Variants in KIF3C observed in about 807,000 individuals in gnomAD.
KIF3C encodes the protein kinesin-like protein KIF3C.
A neutral mutation model predicts 67.7 loss-of-function variants in KIF3C; 12 were observed. The ratio of observed to expected loss-of-function variants is 0.18; its 90% CI spans 0.11 to 0.29. KIF3C has a LOEUF of 0.29. KIF3C is among the 10% of genes least tolerant of loss of function. The pLI is 1.00. For missense variants in KIF3C, 789 were observed against 1,059.6 expected, an observed-to-expected ratio of 0.74 and a Z score of 3.55; for synonymous variants, 393 against 426.2, an observed-to-expected ratio of 0.92 and a Z score of 0.96.
At chr2:25,960,027 G>A (rs1169422389) in intron 1 of KIF3C, among the ~76,000 whole-genome samples, 4 of 152,070 alleles carry the variant, frequency 2.6e-5, no homozygotes, top group Non-Finnish European at 5.9e-5. Flanking sequence ...ATTTTATGTG[G>A]CTCTAGCATT....
intron 5 of KIF3C, chr2:25,934,119 C>G (rs751838228): frequency 2.1e-6 from 1 of 469,928 alleles, no homozygotes; most frequent in Non-Finnish European, 4.4e-6. Context: ...TCAGTCGCAA[C>G]GGACTACATA....
chr2:25,935,009 C>T (rs910466409), intron 5 of KIF3C, among the ~76,000 whole-genome samples: 4 of 151,996 alleles, frequency 2.6e-5, no homozygotes, highest in Admixed American at 6.6e-5. Flanking sequence ...TTTGGGAGGC[C>T]GAGGTGGGTG....
At position 25,928,119 on chromosome 2, in the gene KIF3C, G is replaced by C. The variant is rs949847203; in HGVS notation, c.*859C>G. The stretch of plus-strand genomic sequence containing the variant: ...AGGGAGAAATGATCGAAGCAGGCAG[G>C]AGCAGCCTCTTGAAAATGGGGAGTT... On this transcript the variant is annotated 3_prime_UTR_variant, in exon 8 of 8. Coordinates refer to ENST00000264712, the MANE Select transcript of KIF3C (RefSeq NM_002254.8). 1 of 152,450 alleles carries C rather than the reference G, an allele frequency of 6.6e-6. No homozygotes were observed. The highest frequency in any genetic ancestry group is 6.6e-5 in the Admixed American group (1 of 15,262). 9.4% of individuals were successfully genotyped at this position (152,450 alleles called of 1,614,324 possible).
At chr2:25,947,173 A>G (rs1198159413) in intron 5 of KIF3C, among the ~76,000 whole-genome samples, 1 of 152,088 alleles carries the variant, frequency 6.6e-6, no homozygotes, top group Non-Finnish European at 1.5e-5. Context: ...AATAAAGAGC[A>G]CAAACTTGCC....
In KIF3C at chr2:25,951,922, A is replaced by G; in HGVS notation, c.1890-17T>C. On this transcript the variant is annotated splice_polypyrimidine_tract_variant and intron_variant, in intron 4 of 7. Coordinates refer to ENST00000264712, the MANE Select transcript of KIF3C (RefSeq NM_002254.8). ...ATTAGGTACCTGGGAGCAGGAATGA[A>G]GGAGTGATGGGAAAATGGGTGAGCG... 3 of 1,557,208 alleles carry G rather than the reference A, an allele frequency of 1.9e-6. No homozygotes were observed. In the South Asian group the frequency reaches 3.3e-5, roughly 17 times the overall value.
In KIF3C at chr2:25,982,402, C is replaced by G. The variant is rs73920220; in HGVS notation, c.-485G>C. 5.0e-3 allele frequency: 1,974 copies of G among 398,654 alleles called. 43 individuals carry two copies. The highest frequency in any genetic ancestry group is 0.037 in the African/African-American group (1,803 of 48,756). The allele number at this position is 398,654 out of a possible 1,614,324, so 24.7% of individuals were successfully genotyped here. ...CAGAGGCTCACCTGGAGTCCTCCCCCCAAGCTGGGGGATCATTCATTGCAG... is the reference window on the plus strand; with the variant it reads ...CAGAGGCTCACCTGGAGTCCTCCCCGCAAGCTGGGGGATCATTCATTGCAG... On this transcript the variant is annotated 5_prime_UTR_variant, in exon 1 of 8. Transcript: ENST00000264712.
At chr2:25,938,218 C>T in intron 5 of KIF3C, 1 of 427,314 alleles carries the variant, frequency 2.3e-6, no homozygotes, top group Non-Finnish European at 4.6e-6. Flanking sequence ...CAAAAATTAG[C>T]TGAGCATGGC....
intron 1 of KIF3C, among the ~76,000 whole-genome samples, chr2:25,975,206 G>A: frequency 6.6e-6 from 1 of 152,026 alleles, no homozygotes; most frequent in East Asian, 1.9e-4. Flanking sequence ...TGTCACACAG[G>A]CTGGAGTGCA....
At chr2:25,929,920 T>C in intron 6 of KIF3C, 35 bp downstream of exon 6, 1 of 1,473,262 alleles carries the variant, frequency 6.8e-7, no homozygotes, top group Non-Finnish European at 9.5e-7. Flanking sequence ...CCGGCCTCCC[T>C]CCCGTAGGCT....
At chr2:25,942,686 A>G (rs1205895969) in intron 5 of KIF3C, among the ~76,000 whole-genome samples, 1 of 152,198 alleles carries the variant, frequency 6.6e-6, no homozygotes, top group Non-Finnish European at 1.5e-5. Flanking sequence ...CTGGGATTAC[A>G]GGCGTGAGCC....
At chr2:25,978,506 C>G (rs887858509) in intron 1 of KIF3C, among the ~76,000 whole-genome samples, 6 of 152,130 alleles carry the variant, frequency 3.9e-5, no homozygotes, top group Admixed American at 3.9e-4. Context: ...TTCCAAAGCT[C>G]CTGCCAACTC....
Position 25,981,390 on chromosome 2 carries a change from G to A in KIF3C, c.528C>T (p.Tyr176=), listed in dbSNP as rs372450427. ...ELKENPETGV[Y]IKDLSSFVTK... ...TGACGAAGGAGGAGAGGTCCTTGAT[G>A]TAGACGCCAGTCTCGGGGTTCTCTT... Residue 176 remains tyrosine (Y), a synonymous_variant, in exon 1 of 8, where the codon TAC becomes TAT. Coordinates refer to ENST00000264712, the MANE Select transcript of KIF3C (RefSeq NM_002254.8). This position sits in a 1 kb window ranked among gnomAD's most constrained non-coding sequence, Gnocchi z 8.2. 11 of 1,614,220 alleles carry A rather than the reference G, an allele frequency of 6.8e-6. No homozygotes were observed. The African/African-American group carries it at 1.5e-4, about 22-fold the overall frequency.
chr2:25,973,634 A>G (rs932527509), intron 1 of KIF3C, among the ~76,000 whole-genome samples: 7 of 152,004 alleles, frequency 4.6e-5, no homozygotes, highest in Middle Eastern at 3.4e-3. Context: ...CCGTGAAATC[A>G]TCACCACCAT....
chr2:25,930,078 C>G lies in KIF3C; in HGVS notation c.2007-15G>C, dbSNP rs1434231261. The G allele has an allele frequency of 6.3e-7, 1 of 1,599,552 alleles. No individual in the cohort carries two copies. Among genetic ancestry groups the G allele is most frequent in the East Asian group, 2.2e-5 (1 of 44,810 alleles). On this transcript the variant is annotated splice_polypyrimidine_tract_variant and intron_variant, in intron 5 of 7. Transcript: ENST00000264712. ...GGCTGCTACTGCTGTAGGAAAGAGGCTATATTAGAAAGGATTTCTGTGGAA... is the reference window on the plus strand; with the variant it reads ...GGCTGCTACTGCTGTAGGAAAGAGGGTATATTAGAAAGGATTTCTGTGGAA...
At chr2:25,973,485 C>T (rs979793417) in intron 1 of KIF3C, among the ~76,000 whole-genome samples, 1 of 147,762 alleles carries the variant, frequency 6.8e-6, no homozygotes, top group South Asian at 2.2e-4. Context: ...ACCCGGGAAG[C>T]GGAGGTTGCA....
chr2:25,948,342 C>T (rs1663499345), intron 5 of KIF3C, among the ~76,000 whole-genome samples: 1 of 152,006 alleles, frequency 6.6e-6, no homozygotes, highest in South Asian at 2.1e-4. Context: ...CGCTTAAGCC[C>T]CGGACCTCAC....
intron 1 of KIF3C, among the ~76,000 whole-genome samples, chr2:25,978,440 G>T (rs1159867108): frequency 6.6e-6 from 1 of 152,090 alleles, no homozygotes; most frequent in Non-Finnish European, 1.5e-5. Context: ...ATATATAAAG[G>T]GGCTAGGCTC....
At chr2:25,967,632 C>T (rs1664177418) in intron 1 of KIF3C, among the ~76,000 whole-genome samples, 1 of 152,170 alleles carries the variant, frequency 6.6e-6, no homozygotes. Context: ...CATAGTGAGA[C>T]CCCATCTCTA....
intron 5 of KIF3C, among the ~76,000 whole-genome samples, chr2:25,946,645 G>T (rs779476277): frequency 6.6e-6 from 1 of 152,134 alleles, no homozygotes; most frequent in South Asian, 2.1e-4. Context: ...CCAAGATCGC[G>T]CCACTGCACT....
Sources: gnomAD v4.1 joint callset for allele counts (sites outside exome capture counted in the v4.1 genomes callset) on GRCh38, gnomAD v4.1.1 for gene constraint, Gnocchi (gnomAD v3.1) non-coding constraint, MANE v1.5 for transcripts, NCBI Gene and HGNC (gene_info 2026-07-23, HGNC 2026-07-21) for gene names.